ZNF431: variants seen among roughly 807,000 people sequenced by gnomAD.
ZNF431 encodes the protein zinc finger protein 431.
In ZNF431, 34 loss-of-function variants were observed where a neutral mutation model predicts 57.0. The ratio of observed to expected loss-of-function variants is 0.60; its 90% confidence interval spans 0.45 to 0.79. ZNF431 has a LOEUF of 0.79. Ranked by LOEUF, ZNF431 falls within the 30% of genes least tolerant of loss-of-function variation. The pLI, the probability that ZNF431 is intolerant of heterozygous loss-of-function variation, is 0.00. For missense variants in ZNF431, 607 were observed against 667.1 expected, an observed-to-expected ratio of 0.91 and a Z score of 0.99; for synonymous variants, 207 against 220.3, an observed-to-expected ratio of 0.94 and a Z score of 0.54.
In ZNF431 at chr19:21,185,919, TG is replaced by T. The variant is rs1168955716; in HGVS notation, c.*1886del. 6.6e-6 allele frequency: 1 copy of T among 152,190 alleles called. No individual in the cohort carries two copies. Among genetic ancestry groups the T allele is most frequent in the Non-Finnish European group, 1.5e-5 (1 of 68,034 alleles). 9.4% of individuals were successfully genotyped at this position (152,190 alleles called of 1,614,324 possible). On this transcript the variant is annotated 3_prime_UTR_variant, in exon 5 of 5. Coordinates refer to ENST00000311048, the MANE Select transcript of ZNF431 (RefSeq NM_133473.4). Reference sequence around the variant, plus strand: ...ACAATTAAATTTTTATTTACCACAGTGTTATTTTTATCGTCATAATAAAAAT... The same window carrying T: ...ACAATTAAATTTTTATTTACCACAGTTTATTTTTATCGTCATAATAAAAAT...
At chr19:21,149,580 C>CTT (rs34768153) in intron 2 of ZNF431, 30,524 of 197,632 alleles carry the variant, frequency 0.15, 2,551 homozygotes, top group African/African-American at 0.25. Flanking sequence ...CAATTTCTTT[C>CTT]TTTTTTTTGA....
At chr19:21,155,238 T>A (rs12975836) in intron 2 of ZNF431, among the ~76,000 whole-genome samples, 1 of 151,976 alleles carries the variant, frequency 6.6e-6, no homozygotes, top group Non-Finnish European at 1.5e-5. Flanking sequence ...TTTCTACATA[T>A]GGTTAGCCAG....
chr19:21,183,666 C>G lies in ZNF431; in HGVS notation c.1363C>G (p.Pro455Ala). Residue 455 changes from proline to alanine, a missense_variant, in exon 5 of 5, where the codon CCT becomes GCT. By Grantham distance (27) the Pro-to-Ala change is conservative (BLOSUM62 -1). Coordinates refer to ENST00000311048, the MANE Select transcript of ZNF431 (RefSeq NM_133473.4). ...TAAGATAATTCATACTGGAGAGAAA[C>G]CTTACAAATGTGAAGAATGTGGCAA... ...AHKIIHTGEKPYKCEECGKAF... is the reference protein window; with the variant it reads ...AHKIIHTGEKAYKCEECGKAF... 2 of 1,612,602 alleles carry G rather than the reference C, an allele frequency of 1.2e-6. No homozygotes were observed. The highest frequency in any genetic ancestry group is 1.3e-5 in the African/African-American group (1 of 74,678).
At position 21,188,859 on chromosome 19, in the gene ZNF431, C is replaced by G. The variant is rs184550250; in HGVS notation, c.*4825C>G. 12 of 152,288 alleles carry G rather than the reference C, an allele frequency of 7.9e-5. 1 individual carries two copies. Among genetic ancestry groups the G allele is most frequent in the Admixed American group, 6.5e-4 (10 of 15,282 alleles). 9.4% of individuals were successfully genotyped at this position (152,288 alleles called of 1,614,324 possible). A position where few individuals can be genotyped will look rare whatever the true frequency, so the allele number is the denominator to read the frequency against. On this transcript the variant is annotated 3_prime_UTR_variant, in exon 5 of 5. Coordinates refer to ENST00000311048, the MANE Select transcript of ZNF431 (RefSeq NM_133473.4). The stretch of plus-strand genomic sequence containing the variant: ...GTCTTTCATACCGTTACCATCAGCA[C>G]CAGAAACTCCAGGTGCCCCAAGCTT...
chr19:21,146,664 G>A (rs1006282488), intron 2 of ZNF431, among the ~76,000 whole-genome samples: 35 of 152,196 alleles, frequency 2.3e-4, no homozygotes, highest in Admixed American at 5.9e-4. Context: ...GGTCACTCTC[G>A]TCACATCTTG....
intron 2 of ZNF431, among the ~76,000 whole-genome samples, chr19:21,154,921 C>T (rs1452938170): frequency 2.6e-5 from 4 of 152,150 alleles, no homozygotes; most frequent in East Asian, 1.9e-4. Context: ...TGGATATTAG[C>T]CCTTTGTCAG....
In ZNF431 at chr19:21,194,468, G is replaced by A. The variant is rs993714852; in HGVS notation, c.*10434G>A. ...GTTTTTGTTTTTTTATCAAAATGTC[G>A]ATTACTTTTTTTTTTTTTTTGAGAC... On this transcript the variant is annotated 3_prime_UTR_variant, in exon 5 of 5. Coordinates refer to ENST00000311048, the MANE Select transcript of ZNF431 (RefSeq NM_133473.4). 47 of 151,482 alleles carry A rather than the reference G, an allele frequency of 3.1e-4. No individual in the cohort carries two copies. Among genetic ancestry groups the A allele is most frequent in the African/African-American group, 1.0e-3 (43 of 41,354 alleles). The allele number at this position is 151,482 out of a possible 1,614,324, so 9.4% of individuals were successfully genotyped here. A position where few individuals can be genotyped will look rare whatever the true frequency, so the allele number is the denominator to read the frequency against.
At chr19:21,173,557 T>C (rs1970967349) in intron 4 of ZNF431, among the ~76,000 whole-genome samples, 1 of 152,168 alleles carries the variant, frequency 6.6e-6, no homozygotes, top group Admixed American at 6.5e-5. Flanking sequence ...GCTGTTGTCA[T>C]CCAGGCCTGC....
chr19:21,184,163 A>G lies in ZNF431; in HGVS notation c.*129A>G, dbSNP rs1038773170. 2.0e-5 allele frequency: 15 copies of G among 743,716 alleles called. No homozygotes were observed. Among genetic ancestry groups the G allele is most frequent in the Non-Finnish European group, 3.0e-5 (14 of 469,224 alleles). 46.1% of individuals were successfully genotyped at this position (743,716 alleles called of 1,614,324 possible). On this transcript the variant is annotated 3_prime_UTR_variant, in exon 5 of 5. Transcript: ENST00000311048. Reference sequence around the variant, plus strand: ...TCAAGAGATCGAGACCATCCTGGCCAACATGGTGAAACCCTGTCTCTACTA... The same window carrying G: ...TCAAGAGATCGAGACCATCCTGGCCGACATGGTGAAACCCTGTCTCTACTA...
intron 4 of ZNF431, among the ~76,000 whole-genome samples, chr19:21,178,426 T>G (rs991611460): frequency 1.3e-5 from 2 of 152,184 alleles, no homozygotes; most frequent in African/African-American, 2.4e-5. Flanking sequence ...TTTTGCCCTT[T>G]TATATCGGCT....
Position 21,183,597 on chromosome 19 carries a change from G to T in ZNF431, c.1294G>T (p.Glu432Ter). The stretch of plus-strand genomic sequence containing the variant: ...TGGAGAGAAACCCTACAAATGTGAA[G>T]AATGTGGCAAAGCTTTTAACCGGTC... ...HTGEKPYKCE[E>*]CGKAFNRSPQ... is the part of the protein sequence containing the mutation. Residue 432 changes from glutamate (E) to a stop codon, truncating the protein, a stop_gained, in exon 5 of 5, where the codon GAA becomes TAA. Coordinates refer to ENST00000311048, the MANE Select transcript of ZNF431 (RefSeq NM_133473.4). LOFTEE classifies it high-confidence loss of function. The T allele has an allele frequency of 1.2e-6, 2 of 1,613,408 alleles. No individual in the cohort carries two copies. The highest frequency in any genetic ancestry group is 1.7e-6 in the Non-Finnish European group (2 of 1,179,978).
chr19:21,156,095 A>T (rs544921222), intron 2 of ZNF431, among the ~76,000 whole-genome samples: 1 of 152,294 alleles, frequency 6.6e-6, no homozygotes, highest in South Asian at 2.1e-4. Context: ...CACCCTCAGG[A>T]ATTTCACTAT....
chr19:21,163,813 C>T (rs1970644685), intron 2 of ZNF431, among the ~76,000 whole-genome samples: 1 of 152,128 alleles, frequency 6.6e-6, no homozygotes, highest in South Asian at 2.1e-4. Flanking sequence ...AGTCACTGCT[C>T]CTGATCCTAT....
intron 2 of ZNF431, among the ~76,000 whole-genome samples, chr19:21,158,725 G>A (rs1343766688): frequency 6.6e-6 from 1 of 151,928 alleles, no homozygotes; most frequent in Non-Finnish European, 1.5e-5. Flanking sequence ...TTTTTGCTGA[G>A]ACTGTAGGGT....
intron 2 of ZNF431, chr19:21,162,612 C>G (rs1207240035): frequency 3.6e-6 from 2 of 562,712 alleles, no homozygotes; most frequent in Admixed American, 1.3e-4. Context: ...ACCAGATTCA[C>G]CCTTTTTGGA....
rs1568306081 is a variant in ZNF431, at chr19:21,166,891, C to G, written c.223+430C>G. 4.6e-5 allele frequency among the ~76,000 whole-genome samples: 7 copies of G among 152,100 alleles called. No individual in the cohort carries two copies. The South Asian group carries it at 1.4e-3, about 32-fold the overall frequency. ...TTTATTTATTTTTTTGAGATGGAAT[C>G]TCACCCTGTCACCCAGGCCGGAGTG... On this transcript the variant is annotated intron_variant, in intron 3 of 4. Transcript: ENST00000311048.
chr19:21,170,287 G>A (rs745898199), intron 4 of ZNF431, among the ~76,000 whole-genome samples: 1 of 152,184 alleles, frequency 6.6e-6, no homozygotes, highest in Non-Finnish European at 1.5e-5. Context: ...GAGCCATGAT[G>A]GCTGGCTGTC....
At position 21,187,434 on chromosome 19, in the gene ZNF431, A is replaced by T. The variant is rs1027622844; in HGVS notation, c.*3400A>T. 28 of 47,424 alleles carry T rather than the reference A, an allele frequency of 5.9e-4. No individual in the cohort carries two copies. The highest frequency in any genetic ancestry group is 1.6e-3 in the East Asian group (3 of 1,866). 2.9% of individuals were successfully genotyped at this position (47,424 alleles called of 1,614,324 possible). A position where few individuals can be genotyped will look rare whatever the true frequency, so the allele number is the denominator to read the frequency against. On this transcript the variant is annotated 3_prime_UTR_variant, in exon 5 of 5. Coordinates refer to ENST00000311048, the MANE Select transcript of ZNF431 (RefSeq NM_133473.4). Reference sequence around the variant, plus strand: ...TGGGCGACAGAGCGAGACTCCATATAAAAAAAAAAAAAAAAAAAAAAGAGC... The same window carrying T: ...TGGGCGACAGAGCGAGACTCCATATTAAAAAAAAAAAAAAAAAAAAAGAGC...
intron 2 of ZNF431, among the ~76,000 whole-genome samples, chr19:21,145,766 A>G (rs1444260938): frequency 6.6e-6 from 1 of 152,220 alleles, no homozygotes; most frequent in Non-Finnish European, 1.5e-5. Flanking sequence ...AGGAAGAAGT[A>G]CCAATTATAA....
Sources: gnomAD v4.1 joint callset for allele counts (sites outside exome capture counted in the v4.1 genomes callset) on GRCh38, gnomAD v4.1.1 for gene constraint, MANE v1.5 for transcripts, NCBI Gene and HGNC (gene_info 2026-07-23, HGNC 2026-07-21) for gene names.